DNAH9: variants seen among roughly 807,000 people sequenced by gnomAD.
DNAH9 encodes DNAH9 variant protein.
In DNAH9, 345 loss-of-function variants were observed where a neutral mutation model predicts 471.6. The ratio of observed to expected loss-of-function variants is 0.73; its 90% CI spans 0.67 to 0.80. The LOEUF (loss-of-function observed/expected upper bound fraction) is 0.80. DNAH9 is among the 30% of genes least tolerant of loss of function. The pLI is 0.00. For synonymous variants in DNAH9, 2,093 were observed against 2,123.6 expected, an observed-to-expected ratio of 0.99 and a Z score of 0.40; for missense variants, 5,407 against 5,609.2, an observed-to-expected ratio of 0.96 and a Z score of 1.15.
At chr17:11,621,116 A>G (rs2072850223) in intron 6 of DNAH9, among the ~76,000 whole-genome samples, 1 of 152,110 alleles carries the variant, frequency 6.6e-6, no homozygotes, top group Admixed American at 6.6e-5. Flanking sequence ...TGAGTTTAAG[A>G]TTAAGACAAG....
chr17:11,657,221 A>G (rs1042872876), intron 14 of DNAH9, among the ~76,000 whole-genome samples: 1 of 152,078 alleles, frequency 6.6e-6, no homozygotes, highest in Non-Finnish European at 1.5e-5. Flanking sequence ...TTCTTCACCA[A>G]ATTGTGGGTT....
chr17:11,918,293 G>A (rs148490160), intron 61 of DNAH9, among the ~76,000 whole-genome samples: 2,388 of 152,006 alleles, frequency 0.016, 23 homozygotes, highest in Non-Finnish European at 0.022. Flanking sequence ...GTGCAGTGGC[G>A]CCATCTTGGC....
chr17:11,924,063 C>T (rs897882234), intron 62 of DNAH9, 122 bp downstream of exon 62: 6 of 1,352,834 alleles, frequency 4.4e-6, no homozygotes, highest in Non-Finnish European at 6.0e-6. Flanking sequence ...TTGTCCCCTT[C>T]ATTTCTTCAT....
At chr17:11,853,882 G>A (rs1971523087) in intron 49 of DNAH9, 121 bp from the exon 50 acceptor site, 3 of 872,292 alleles carry the variant, frequency 3.4e-6, no homozygotes, top group Non-Finnish European at 5.2e-6. Context: ...AATTCAGAGG[G>A]CTGCTGCAGG....
Position 11,652,903 on chromosome 17 carries a change from AAG to A in DNAH9, c.2497_2498del (p.Arg833GlyfsTer8), listed in dbSNP as rs1237554261. ...TPIFKTKDGK[R>X]ESLLSLDDRH... ...CAATATTTAAGACAAAAGATGGAAA[AAG>A]GGAATCCCTTCTTTCTCTGGATGAT... is the stretch of plus-strand genomic sequence containing the variant. On this transcript the variant is annotated frameshift_variant, in exon 14 of 69. Transcript: ENST00000262442. LOFTEE classifies it high-confidence loss of function. 1 of 1,614,090 alleles carries A rather than the reference AAG, an allele frequency of 6.2e-7. No individual in the cohort carries two copies. Among genetic ancestry groups the A allele is most frequent in the Non-Finnish European group, 8.5e-7 (1 of 1,179,952 alleles).
rs761053181 is a variant in DNAH9, at chr17:11,854,182, C to A, written c.9687C>A (p.Asn3229Lys). ...TCCTGGACTCGCTAATAAACTTCAA[C>A]AAAGAGAACATTCACGAGAACTGCC... ...DGFLDSLINF[N>K]KENIHENCLK... Residue 3229 changes from asparagine to lysine, a missense_variant, in exon 50 of 69, where the codon AAC becomes AAA. Transcript: ENST00000262442. The A allele has an allele frequency of 1.9e-6, 3 of 1,614,156 alleles. No individual in the cohort carries two copies. The highest frequency in any genetic ancestry group is 4.5e-5 in the East Asian group (2 of 44,886).
chr17:11,769,347 C>G lies in DNAH9; in HGVS notation c.7552+18C>G. 1 of 1,594,976 alleles carries G rather than the reference C, an allele frequency of 6.3e-7. No individual in the cohort carries two copies. The highest frequency in any genetic ancestry group is 8.5e-7 in the Non-Finnish European group (1 of 1,171,268). On this transcript the variant is annotated intron_variant, in intron 38 of 68. Transcript: ENST00000262442. ...GCTGCAGGGTAAGCAGCCCAGGGCA[C>G]CTGGGGTGGGGGGCATCTGGGTGGC...
intron 56 of DNAH9, chr17:11,884,382 G>A (rs529993210): frequency 9.0e-6 from 3 of 335,012 alleles, no homozygotes; most frequent in Non-Finnish European, 1.8e-5. Context: ...CTCTGTTCCA[G>A]CATACCACCA....
chr17:11,858,111 T>C (rs188696129), intron 50 of DNAH9, among the ~76,000 whole-genome samples: 139 of 152,358 alleles, frequency 9.1e-4, no homozygotes, highest in African/African-American at 3.3e-3. Flanking sequence ...GGCTGTTTTG[T>C]CTAATCTACA....
At chr17:11,803,652 C>T (rs1458316295) in intron 43 of DNAH9, among the ~76,000 whole-genome samples, 1 of 152,186 alleles carries the variant, frequency 6.6e-6, no homozygotes, top group Non-Finnish European at 1.5e-5. Context: ...CCGGTGCTGA[C>T]GGTTGCAGAC....
rs1192225969 is a variant in DNAH9 at position 11,932,504 on chromosome 17, G to C, written c.12297+299G>C. Among the ~76,000 whole-genome samples the C allele has an allele frequency of 6.6e-6, 1 of 152,188 alleles. No individual in the cohort carries two copies. Among genetic ancestry groups the C allele is most frequent in the Non-Finnish European group, 1.5e-5 (1 of 68,026 alleles). Reference sequence around the variant, plus strand: ...GACCTGGGAGCTAGTTAGAAATGCAGAATCTCAGGTCCCACCCAAACTTAC... The same window carrying C: ...GACCTGGGAGCTAGTTAGAAATGCACAATCTCAGGTCCCACCCAAACTTAC... On this transcript the variant is annotated intron_variant, in intron 64 of 68. Transcript: ENST00000262442. The surrounding 1 kb of genome is among the most constrained non-coding windows in gnomAD (Gnocchi z 4.3).
At chr17:11,763,126 G>C (rs1203408876) in intron 35 of DNAH9, among the ~76,000 whole-genome samples, 1 of 152,034 alleles carries the variant, frequency 6.6e-6, no homozygotes, top group Non-Finnish European at 1.5e-5. Context: ...AGCCACCTGT[G>C]TTCCCCAGGT....
chr17:11,622,150 T>G (rs1476779661), intron 6 of DNAH9, among the ~76,000 whole-genome samples: 2 of 150,790 alleles, frequency 1.3e-5, no homozygotes, highest in Admixed American at 6.6e-5. Flanking sequence ...TCTAGCCCAG[T>G]AGGACTTTGA....
intron 19 of DNAH9, among the ~76,000 whole-genome samples, chr17:11,686,294 C>T (rs1184924530): frequency 2.0e-5 from 3 of 152,078 alleles, no homozygotes; most frequent in Admixed American, 2.0e-4. Context: ...AATGCATGAG[C>T]GCCGTATTTT....
chr17:11,966,554 A>G (rs1976741740), intron 68 of DNAH9, among the ~76,000 whole-genome samples: 1 of 152,278 alleles, frequency 6.6e-6, no homozygotes, highest in African/African-American at 2.4e-5. Flanking sequence ...AAAGGCAATT[A>G]CATATGTAAG....
chr17:11,756,290 A>G (rs1251551597), intron 33 of DNAH9, among the ~76,000 whole-genome samples: 1 of 151,812 alleles, frequency 6.6e-6, no homozygotes, highest in Non-Finnish European at 1.5e-5. Context: ...AAAAAAAAAA[A>G]AAATCAGATC....
chr17:11,834,948 G>T (rs373739485), intron 49 of DNAH9, 50 bp downstream of exon 49: 17 of 1,584,406 alleles, frequency 1.1e-5, no homozygotes, highest in Non-Finnish European at 1.5e-5. Flanking sequence ...GCTGGTAGAC[G>T]CAGAGACCAC....
At chr17:11,700,759 G>A (rs2074577753) in intron 23 of DNAH9, among the ~76,000 whole-genome samples, 1 of 152,088 alleles carries the variant, frequency 6.6e-6, no homozygotes, top group South Asian at 2.1e-4. Flanking sequence ...CCTGGTTTGC[G>A]CTTCATACTC....
intron 17 of DNAH9, among the ~76,000 whole-genome samples, chr17:11,670,903 A>G (rs756219882): frequency 6.6e-6 from 1 of 152,104 alleles, no homozygotes; most frequent in African/African-American, 2.4e-5. Context: ...GGGTTTCTCC[A>G]TGTTGGTCAG....
Sources: allele counts gnomAD v4.1 joint callset (sites outside exome capture counted in the v4.1 genomes callset), GRCh38; gene constraint gnomAD v4.1.1; non-coding constraint Gnocchi (gnomAD v3.1); transcripts MANE v1.5; gene names NCBI Gene and HGNC (gene_info 2026-07-23, HGNC 2026-07-21).